The following EFCAB5 variants were observed in gnomAD, a reference collection of about 807,000 sequenced individuals.
EFCAB5 encodes EF-hand calcium binding domain 5.
EFCAB5 carries 131 observed loss-of-function variants against 167.9 expected under a neutral mutation model. The ratio of observed to expected loss-of-function variants is 0.78; its 90% confidence interval spans 0.68 to 0.90. EFCAB5 has a LOEUF of 0.90. EFCAB5 is among the 40% of genes least tolerant of loss of function. The pLI is 0.00. For missense variants in EFCAB5, 1,663 were observed against 1,745.2 expected (o/e 0.95, Z 0.84); for synonymous variants, 574 against 602.8 (o/e 0.95, Z 0.70).
At chr17:30,009,075 T>C (rs2068836747) in intron 7 of EFCAB5, among the ~76,000 whole-genome samples, 1 of 152,202 alleles carries the variant, frequency 6.6e-6, no homozygotes, top group Non-Finnish European at 1.5e-5. Context: ...AGAAATCTCC[T>C]TCTTAAAAGG....
chr17:29,994,988 CAGA>C (rs1047384443), intron 5 of EFCAB5, among the ~76,000 whole-genome samples: 5 of 152,080 alleles, frequency 3.3e-5, no homozygotes, highest in Non-Finnish European at 7.3e-5. Context: ...AATAAAAAGT[CAGA>C]AGGAGTTAAA....
rs1158128868 is a variant in EFCAB5 at position 30,090,650 on chromosome 17, G to A, written c.3913G>A (p.Glu1305Lys). ...TGAAATACTTGGCGAGTTCTCTGGAGAGATAAAGAAAAAATATATCTTAGG... is the reference window on the plus strand; with the variant it reads ...TGAAATACTTGGCGAGTTCTCTGGAAAGATAAAGAAAAAATATATCTTAGG... ...CYEILGEFSG[E>K]IKKKYILEIE... Residue 1305 changes from glutamate to lysine, a missense_variant, in exon 20 of 23, where the codon GAG (glutamate) becomes AAG (lysine). Physicochemically the swap from Glu to Lys is moderately conservative, Grantham distance 56. Coordinates refer to ENST00000394835, the MANE Select transcript of EFCAB5 (RefSeq NM_198529.4). 6.2e-7 allele frequency: 1 copy of A among 1,612,670 alleles called. No individual in the cohort carries two copies. Among genetic ancestry groups the A allele is most frequent in the East Asian group, 2.2e-5 (1 of 44,876 alleles).
At chr17:30,007,439 C>T (rs556822144) in intron 7 of EFCAB5, among the ~76,000 whole-genome samples, 1 of 152,306 alleles carries the variant, frequency 6.6e-6, no homozygotes, top group South Asian at 2.1e-4. Context: ...TTATTTTACT[C>T]ATAAACTGCC....
intron 12 of EFCAB5, among the ~76,000 whole-genome samples, 189 bp from the exon 13 acceptor site, chr17:30,057,487 C>G (rs542158951): frequency 6.6e-5 from 10 of 152,252 alleles, no homozygotes; most frequent in Non-Finnish European, 1.2e-4. Context: ...ACAGTATGAC[C>G]TGACTCATCT....
chr17:30,082,220 C>T (rs1353448429), intron 17 of EFCAB5, among the ~76,000 whole-genome samples: 3 of 152,120 alleles, frequency 2.0e-5, no homozygotes, highest in African/African-American at 2.4e-5. Context: ...CAAGGCAGCT[C>T]CTACCCACCT....
Position 30,083,612 on chromosome 17 carries a change from G to A in EFCAB5, c.3579+569G>A, listed in dbSNP as rs553595663. Among the ~76,000 whole-genome samples the A allele has an allele frequency of 3.3e-5, 5 of 152,254 alleles. No homozygotes were observed. In the East Asian group the frequency reaches 5.8e-4, roughly 18 times the overall value. ...TGGGATTACAGGCATGCGCCACCACGCCAAGCTAATTTTGTATTTTTAGTA... is the reference window on the plus strand; with the variant it reads ...TGGGATTACAGGCATGCGCCACCACACCAAGCTAATTTTGTATTTTTAGTA... On this transcript the variant is annotated intron_variant, in intron 18 of 22. Transcript: ENST00000394835.
At chr17:29,960,691 G>T (rs2067704058) in intron 3 of EFCAB5, among the ~76,000 whole-genome samples, 1 of 152,056 alleles carries the variant, frequency 6.6e-6, no homozygotes, top group Non-Finnish European at 1.5e-5. Flanking sequence ...GGATGCTTGA[G>T]TTGTTTCCAC....
chr17:30,086,798 A>T (rs1370261835), intron 18 of EFCAB5, among the ~76,000 whole-genome samples: 4 of 152,110 alleles, frequency 2.6e-5, no homozygotes, highest in Admixed American at 2.6e-4. Context: ...AGGCTGAGGC[A>T]GGAGAATTGC....
chr17:29,999,204 T>C (rs926568933), intron 6 of EFCAB5, among the ~76,000 whole-genome samples: 5 of 152,090 alleles, frequency 3.3e-5, no homozygotes. Flanking sequence ...GAACTTTCCC[T>C]GAGCCCCAGG....
chr17:30,040,843 T>A (rs2069750414), intron 8 of EFCAB5, among the ~76,000 whole-genome samples: 1 of 152,222 alleles, frequency 6.6e-6, no homozygotes, highest in South Asian at 2.1e-4. Flanking sequence ...TCTGGACAGG[T>A]CCAGGCAGGT....
At chr17:30,067,252 T>C (rs1247704168) in intron 14 of EFCAB5, among the ~76,000 whole-genome samples, 2 of 152,046 alleles carry the variant, frequency 1.3e-5, no homozygotes, top group Non-Finnish European at 2.9e-5. Context: ...TGAACACAAA[T>C]GTAAGAATTC....
At chr17:29,968,703 T>C (rs572972480) in intron 3 of EFCAB5, 88 bp from the exon 4 acceptor site, 2 of 1,113,200 alleles carry the variant, frequency 1.8e-6, no homozygotes, top group South Asian at 4.1e-5. Flanking sequence ...TAAATGGATA[T>C]AAAAATTTTT....
intron 4 of EFCAB5, among the ~76,000 whole-genome samples, chr17:29,972,015 T>G (rs2067964035): frequency 6.6e-6 from 1 of 152,070 alleles, no homozygotes; most frequent in African/African-American, 2.4e-5. Context: ...TTTTCTGACA[T>G]TACCCCTTTA....
chr17:29,967,030 C>T (rs559861791), intron 3 of EFCAB5, among the ~76,000 whole-genome samples: 12 of 152,182 alleles, frequency 7.9e-5, no homozygotes, highest in Non-Finnish European at 1.3e-4. Flanking sequence ...AGATGGTCTA[C>T]GTTCTCTTAA....
chr17:29,954,340 G>A (rs1425243917), intron 3 of EFCAB5, among the ~76,000 whole-genome samples: 5 of 152,128 alleles, frequency 3.3e-5, no homozygotes, highest in Non-Finnish European at 7.4e-5. Flanking sequence ...CATAGGTCGG[G>A]CCCAGGGACC....
rs115677186 is a variant in EFCAB5, at chr17:29,953,890, G to A, written c.190+10241G>A. On this transcript the variant is annotated intron_variant, in intron 3 of 22. Coordinates refer to ENST00000394835, the MANE Select transcript of EFCAB5 (RefSeq NM_198529.4). Reference sequence around the variant, plus strand: ...ATAGTGATATGGACAATAAAGTTCAGACTGATGTGGTCTCAGATGGAGATG... The same window carrying A: ...ATAGTGATATGGACAATAAAGTTCAAACTGATGTGGTCTCAGATGGAGATG... 7.6e-3 allele frequency among the ~76,000 whole-genome samples: 1,164 copies of A among 152,348 alleles called. 18 individuals are homozygous for A. The highest frequency in any genetic ancestry group is 0.027 in the African/African-American group (1,111 of 41,582).
At chr17:29,953,876 G>A (rs1441017542) in intron 3 of EFCAB5, among the ~76,000 whole-genome samples, 1 of 152,230 alleles carries the variant, frequency 6.6e-6, no homozygotes, top group African/African-American at 2.4e-5. Context: ...TAGTGATATG[G>A]ACAATAAAGT....
intron 18 of EFCAB5, among the ~76,000 whole-genome samples, chr17:30,085,331 T>G (rs551950484): frequency 1.3e-4 from 20 of 152,332 alleles, no homozygotes; most frequent in African/African-American, 4.6e-4. Context: ...CCAAAGCACC[T>G]CTGTCTATTT....
chr17:30,096,072 G>A (rs2071282564), intron 22 of EFCAB5, among the ~76,000 whole-genome samples: 1 of 152,164 alleles, frequency 6.6e-6, no homozygotes, highest in African/African-American at 2.4e-5. Flanking sequence ...TTAGTTACGA[G>A]TTATGATATT....
Sources: allele counts gnomAD v4.1 joint callset (sites outside exome capture counted in the v4.1 genomes callset), GRCh38; gene constraint gnomAD v4.1.1; transcripts MANE v1.5; gene names NCBI Gene and HGNC (gene_info 2026-07-23, HGNC 2026-07-21).